Variants in FBXO11 observed in about 807,000 individuals in gnomAD.
FBXO11 encodes F-box only protein 11.
In FBXO11, 13 loss-of-function variants were observed where a neutral mutation model predicts 117.0. The observed-to-expected ratio is 0.11, with a 90% CI of 0.07 to 0.18. The LOEUF is 0.18. FBXO11 is among the 10% of genes least tolerant of loss of function. The probability of loss-of-function intolerance (pLI) is 1.00; values close to 1 mark genes in which losing one functional copy is unlikely to be tolerated. For synonymous variants in FBXO11, 490 were observed against 380.5 expected (o/e 1.29, Z -3.35); for missense variants, 767 against 1,164.4 (o/e 0.66, Z 4.97).
intron 1 of FBXO11, among the ~76,000 whole-genome samples, chr2:47,860,609 G>C (rs936098251): frequency 7.9e-5 from 12 of 151,372 alleles, no homozygotes; most frequent in African/African-American, 2.9e-4. Context: ...GTTTCACTGT[G>C]TTGCCCAGGC....
At position 47,807,009 on chromosome 2, in the gene FBXO11, C is replaced by T; in HGVS notation, c.*1109G>A. ...AACCCTTTTAATTCTTATCTACCTT[C>T]TACATAATGGTTATTGAATACTCCA... On this transcript the variant is annotated 3_prime_UTR_variant, in exon 23 of 23. Coordinates refer to ENST00000403359, the MANE Select transcript of FBXO11 (RefSeq NM_001190274.2). The T allele has an allele frequency of 1.5e-6, 1 of 680,598 alleles. No individual in the cohort carries two copies. The highest frequency in any genetic ancestry group is 2.6e-6 in the Non-Finnish European group (1 of 386,438). The allele number at this position is 680,598 out of a possible 1,614,324, so 42.2% of individuals were successfully genotyped here. A position where few individuals can be genotyped will look rare whatever the true frequency, so the allele number is the denominator to read the frequency against.
intron 1 of FBXO11, among the ~76,000 whole-genome samples, chr2:47,872,419 G>C (rs1675690827): frequency 6.6e-6 from 1 of 152,206 alleles, no homozygotes; most frequent in Non-Finnish European, 1.5e-5. Flanking sequence ...CTGCCTCCCA[G>C]GTTCAAGCAA....
chr2:47,835,471 T>C (rs903410471), intron 5 of FBXO11, among the ~76,000 whole-genome samples: 2 of 152,134 alleles, frequency 1.3e-5, no homozygotes, highest in African/African-American at 4.8e-5. Context: ...ATTCTGTTGG[T>C]TGATAAATGT....
intron 16 of FBXO11, chr2:47,814,082 T>C (rs1335762757): frequency 2.2e-6 from 1 of 456,266 alleles, no homozygotes; most frequent in African/African-American, 2.0e-5. Context: ...TATTGTAGAG[T>C]TTCCTAACAT....
intron 1 of FBXO11, among the ~76,000 whole-genome samples, chr2:47,871,038 T>C (rs571511497): frequency 3.8e-4 from 58 of 152,210 alleles, no homozygotes; most frequent in African/African-American, 1.3e-3. Flanking sequence ...CACAAATGCT[T>C]TGATACTCCT....
intron 14 of FBXO11, among the ~76,000 whole-genome samples, chr2:47,819,532 C>A (rs1195355373): frequency 6.6e-6 from 1 of 151,950 alleles, no homozygotes; most frequent in Admixed American, 6.6e-5. Context: ...TTTTATGTAG[C>A]CTCTACCTGA....
chr2:47,860,576 A>G (rs1674685459), intron 1 of FBXO11, among the ~76,000 whole-genome samples: 1 of 151,480 alleles, frequency 6.6e-6, no homozygotes, highest in Non-Finnish European at 1.5e-5. Flanking sequence ...ACGCCCAGCT[A>G]ATTGTATTTT....
chr2:47,867,464 C>A (rs991982127), intron 1 of FBXO11, among the ~76,000 whole-genome samples: 4 of 152,130 alleles, frequency 2.6e-5, no homozygotes, highest in African/African-American at 9.7e-5. Flanking sequence ...ACTGTTCACA[C>A]GGCCCAATGA....
intron 18 of FBXO11, chr2:47,810,730 TATTGCTGA>T (rs1282507499): frequency 4.4e-6 from 1 of 229,410 alleles, no homozygotes; most frequent in East Asian, 9.0e-5. Flanking sequence ...TCTCAATGAG[TATTGCTGA>T]ATTAAAGCTA....
chr2:47,889,252 T>C (rs1295934640), intron 1 of FBXO11, among the ~76,000 whole-genome samples: 1 of 152,220 alleles, frequency 6.6e-6, no homozygotes, highest in Non-Finnish European at 1.5e-5. Context: ...TAAAAGCCAC[T>C]GTTTCAGAGA....
chr2:47,896,334 T>TC (rs200978503), intron 1 of FBXO11, among the ~76,000 whole-genome samples: 1 of 150,264 alleles, frequency 6.7e-6, no homozygotes, highest in Non-Finnish European at 1.5e-5. Context: ...TCTTTTCTTT[T>TC]TTTTTTTTTT....
chr2:47,886,780 C>T lies in FBXO11; in HGVS notation c.232+18709G>A, dbSNP rs146903901. On this transcript the variant is annotated intron_variant, in intron 1 of 22. Coordinates refer to ENST00000403359, the MANE Select transcript of FBXO11 (RefSeq NM_001190274.2). The stretch of plus-strand genomic sequence containing the variant: ...AGGTTACAAAATAATACACACAGTA[C>T]GGTTTGTTTTTAATGAAAAAAAGTG... Among the ~76,000 whole-genome samples, 59 of 151,896 alleles carry T rather than the reference C, an allele frequency of 3.9e-4. 1 individual carries two copies. Among genetic ancestry groups the T allele is most frequent in the African/African-American group, 8.2e-4 (34 of 41,404 alleles).
At chr2:47,883,276 A>G (rs1000580421) in intron 1 of FBXO11, among the ~76,000 whole-genome samples, 1 of 152,196 alleles carries the variant, frequency 6.6e-6, no homozygotes, top group Non-Finnish European at 1.5e-5. Context: ...GGAGTGGGAA[A>G]GGAAGGAAAT....
intron 1 of FBXO11, among the ~76,000 whole-genome samples, chr2:47,871,513 C>T (rs75208167): frequency 0.071 from 10,840 of 152,176 alleles, 545 homozygotes; most frequent in Non-Finnish European, 0.11. Flanking sequence ...GGTTTTTCTT[C>T]CCCTCAAACT....
chr2:47,887,752 T>C (rs1014262314), intron 1 of FBXO11, among the ~76,000 whole-genome samples: 2 of 152,108 alleles, frequency 1.3e-5, no homozygotes, highest in African/African-American at 4.8e-5. Context: ...TCCCAGCTAC[T>C]TGGGGGACTG....
intron 1 of FBXO11, among the ~76,000 whole-genome samples, chr2:47,850,057 C>T (rs1558440504): frequency 1.3e-5 from 2 of 152,080 alleles, no homozygotes; most frequent in African/African-American, 4.8e-5. Context: ...GGAGCTACAG[C>T]ACAATACAAC....
chr2:47,840,269 T>G, intron 1 of FBXO11, among the ~76,000 whole-genome samples: 1 of 150,696 alleles, frequency 6.6e-6, no homozygotes, highest in African/African-American at 2.4e-5. Context: ...TAAAAAAAGG[T>G]GAGGAGGATA....
chr2:47,852,618 T>C (rs776079156), intron 1 of FBXO11, among the ~76,000 whole-genome samples: 1 of 152,170 alleles, frequency 6.6e-6, no homozygotes, highest in Non-Finnish European at 1.5e-5. Context: ...ACTAAGTAAT[T>C]TGGGTGTCTT....
chr2:47,872,288 C>T (rs1448730894), intron 1 of FBXO11, among the ~76,000 whole-genome samples: 1 of 152,162 alleles, frequency 6.6e-6, no homozygotes. Flanking sequence ...CAAGGGATGG[C>T]TTTCGGAAAG....
Sources: allele counts gnomAD v4.1 joint callset (sites outside exome capture counted in the v4.1 genomes callset), GRCh38; gene constraint gnomAD v4.1.1; transcripts MANE v1.5; gene names NCBI Gene and HGNC (gene_info 2026-07-23, HGNC 2026-07-21).